The following STAG1 variants were observed in gnomAD, a reference collection of about 807,000 sequenced individuals.
STAG1 encodes cohesin subunit SA-1.
Under a neutral mutation model 170.9 loss-of-function variants are expected in STAG1, and 26 were observed. The observed-to-expected ratio is 0.15, with a 90% CI of 0.11 to 0.21. The LOEUF (loss-of-function observed/expected upper bound fraction) is 0.21. Among genes scored for constraint, STAG1 ranks in the 10% least tolerant of loss-of-function variants. The probability of loss-of-function intolerance (pLI) is 1.00; values close to 1 mark genes in which losing one functional copy is unlikely to be tolerated. For missense variants in STAG1, 964 were observed against 1,509.5 expected (o/e 0.64, Z 5.99); for synonymous variants, 514 against 497.7 (o/e 1.03, Z -0.44).
At chr3:136,629,444 A>G (rs1323237979) in intron 2 of STAG1, among the ~76,000 whole-genome samples, 1 of 152,134 alleles carries the variant, frequency 6.6e-6, no homozygotes, top group African/African-American at 2.4e-5. Flanking sequence ...GGGGCCCTCC[A>G]AACTTAAATA....
At chr3:136,750,099 C>T (rs1935152751) in intron 1 of STAG1, among the ~76,000 whole-genome samples, 1 of 152,140 alleles carries the variant, frequency 6.6e-6, no homozygotes, top group African/African-American at 2.4e-5. Context: ...GTACAAAATT[C>T]TGTAAATTTT....
At chr3:136,558,252 C>T (rs1367081257) in intron 5 of STAG1, among the ~76,000 whole-genome samples, 5 of 151,896 alleles carry the variant, frequency 3.3e-5, no homozygotes, top group African/African-American at 9.7e-5. Flanking sequence ...ATTAGCCAGG[C>T]GTGGTGGCAC....
intron 1 of STAG1, among the ~76,000 whole-genome samples, chr3:136,722,303 T>C (rs1933330396): frequency 6.6e-6 from 1 of 152,206 alleles, no homozygotes; most frequent in Non-Finnish European, 1.5e-5. Flanking sequence ...TCCGTTTTTG[T>C]CCTAAAATTT....
intron 5 of STAG1, among the ~76,000 whole-genome samples, chr3:136,565,922 C>T (rs914276644): frequency 1.3e-5 from 2 of 152,158 alleles, no homozygotes; most frequent in Admixed American, 6.5e-5. Flanking sequence ...AGAAGTCACA[C>T]ACAGAAGGTG....
In STAG1 at chr3:136,443,369, T is replaced by C. The variant is rs373389219; in HGVS notation, c.1464A>G (p.Leu488=). 1 of 1,613,278 alleles carries C rather than the reference T, an allele frequency of 6.2e-7. No individual in the cohort carries two copies. Among genetic ancestry groups the C allele is most frequent in the Non-Finnish European group, 8.5e-7 (1 of 1,179,658 alleles). Residue 488 remains leucine, a synonymous_variant, in exon 15 of 34, where the codon TTA becomes TTG. Coordinates refer to ENST00000383202, the MANE Select transcript of STAG1 (RefSeq NM_005862.3). ...HEHAAYLVDS[L]WESSQELLKD... ...TCAACAGTTCTTGAGAGCTCTCCCATAAACTGTCCACCAAGTAGGCTGCAT... is the reference window on the plus strand; with the variant it reads ...TCAACAGTTCTTGAGAGCTCTCCCACAAACTGTCCACCAAGTAGGCTGCAT...
chr3:136,378,157 C>T (rs1316152626), intron 22 of STAG1, among the ~76,000 whole-genome samples: 1 of 152,198 alleles, frequency 6.6e-6, no homozygotes, highest in African/African-American at 2.4e-5. Flanking sequence ...TATCTCAGCA[C>T]TCTGCAAAAT....
intron 13 of STAG1, 37 bp downstream of exon 13, chr3:136,464,844 G>C (rs760644304): frequency 5.2e-6 from 8 of 1,530,050 alleles, no homozygotes; most frequent in Admixed American, 3.7e-5. Flanking sequence ...AAACAACATA[G>C]AAAAGTAGAA....
chr3:136,338,317 A>G (rs1935786632), intron 33 of STAG1, 40 bp from the exon 34 acceptor site: 2 of 1,589,826 alleles, frequency 1.3e-6, no homozygotes, highest in Admixed American at 1.7e-5. Flanking sequence ...AATTTCATGC[A>G]TAAACAGGAC....
intron 1 of STAG1, among the ~76,000 whole-genome samples, chr3:136,665,114 A>C (rs1460261233): frequency 6.6e-6 from 1 of 152,234 alleles, no homozygotes; most frequent in Admixed American, 6.5e-5. Context: ...ATTTTGGAAG[A>C]AGTAAACTTG....
chr3:136,615,839 G>A (rs1382759894), intron 3 of STAG1, among the ~76,000 whole-genome samples: 1 of 151,624 alleles, frequency 6.6e-6, no homozygotes, highest in Non-Finnish European at 1.5e-5. Flanking sequence ...TATTAAAAAG[G>A]ATGAAATAGA....
intron 1 of STAG1, among the ~76,000 whole-genome samples, chr3:136,645,018 C>A (rs1450661295): frequency 6.6e-6 from 1 of 152,168 alleles, no homozygotes; most frequent in African/African-American, 2.4e-5. Flanking sequence ...GTGTGAATCA[C>A]CATGCCTGGC....
chr3:136,471,916 C>A (rs1285008823), intron 12 of STAG1, among the ~76,000 whole-genome samples: 1 of 152,156 alleles, frequency 6.6e-6, no homozygotes, highest in African/African-American at 2.4e-5. Context: ...CGACTCACTG[C>A]AGCTTTGACC....
At chr3:136,701,739 G>A (rs893590894) in intron 1 of STAG1, among the ~76,000 whole-genome samples, 1 of 151,974 alleles carries the variant, frequency 6.6e-6, no homozygotes, top group Non-Finnish European at 1.5e-5. Flanking sequence ...TCAATAAAAG[G>A]CAGTTAATGC....
intron 4 of STAG1, among the ~76,000 whole-genome samples, chr3:136,589,050 C>T (rs1025714761): frequency 1.3e-5 from 2 of 152,054 alleles, no homozygotes; most frequent in African/African-American, 4.8e-5. Flanking sequence ...TATGAGCCAC[C>T]ACACCCAGCC....
intron 1 of STAG1, among the ~76,000 whole-genome samples, chr3:136,666,538 CTG>C (rs1439028052): frequency 6.6e-6 from 1 of 152,146 alleles, no homozygotes. Flanking sequence ...TTTGATACGA[CTG>C]GGCGCGGTGG....
intron 13 of STAG1, 149 bp downstream of exon 13, chr3:136,464,731 CA>C: frequency 1.7e-6 from 1 of 573,270 alleles, no homozygotes; most frequent in Non-Finnish European, 3.0e-6. Flanking sequence ...ACCATGTATA[CA>C]TAGGCTGTGA....
intron 1 of STAG1, among the ~76,000 whole-genome samples, chr3:136,682,324 C>A (rs898992373): frequency 9.2e-5 from 14 of 151,724 alleles, no homozygotes; most frequent in African/African-American, 3.4e-4. Context: ...ACTCCGAAGG[C>A]TGAAACAGGA....
intron 21 of STAG1, among the ~76,000 whole-genome samples, chr3:136,407,453 C>T (rs1168081074): frequency 6.6e-6 from 1 of 151,962 alleles, no homozygotes; most frequent in Non-Finnish European, 1.5e-5. Flanking sequence ...ATTTTTCAAT[C>T]GTTCATTGCT....
chr3:136,499,477 G>A (rs1043166202), intron 9 of STAG1, among the ~76,000 whole-genome samples: 1 of 152,030 alleles, frequency 6.6e-6, no homozygotes, highest in Non-Finnish European at 1.5e-5. Flanking sequence ...ATATTAATTA[G>A]CCAAATATAC....
Sources: gnomAD v4.1 joint callset for allele counts (sites outside exome capture counted in the v4.1 genomes callset) on GRCh38, gnomAD v4.1.1 for gene constraint, MANE v1.5 for transcripts, NCBI Gene and HGNC (gene_info 2026-07-23, HGNC 2026-07-21) for gene names.